Variants in NKAIN3 observed in about 807,000 individuals in gnomAD.
NKAIN3 encodes the protein sodium/potassium-transporting ATPase subunit beta-1-interacting protein 3.
NKAIN3 carries 25 observed loss-of-function variants against 30.2 expected under a neutral mutation model. That is an observed-to-expected ratio of 0.83 (90% CI 0.60 to 1.16). NKAIN3 has a LOEUF of 1.16. NKAIN3 is among the 50% of genes most tolerant of loss of function. NKAIN3 has a pLI of 0.00. For missense variants in NKAIN3, 225 were observed against 254.1 expected, an observed-to-expected ratio of 0.89 and a Z score of 0.78; for synonymous variants, 91 against 89.6, an observed-to-expected ratio of 1.02 and a Z score of -0.09.
intron 1 of NKAIN3, among the ~76,000 whole-genome samples, chr8:62,432,453 T>C (rs1208207177): frequency 2.0e-5 from 3 of 152,110 alleles, no homozygotes; most frequent in African/African-American, 7.2e-5. Context: ...ATGGTTTAGG[T>C]TTGTGACTCA....
intron 1 of NKAIN3, among the ~76,000 whole-genome samples, chr8:62,461,387 C>T (rs898961263): frequency 1.3e-5 from 2 of 152,134 alleles, no homozygotes; most frequent in African/African-American, 4.8e-5. Flanking sequence ...GCCACATTAC[C>T]ATGTTCAAAA....
At chr8:62,821,155 T>C (rs1424805545) in intron 4 of NKAIN3, among the ~76,000 whole-genome samples, 1 of 152,126 alleles carries the variant, frequency 6.6e-6, no homozygotes, top group African/African-American at 2.4e-5. Context: ...TTCCCTTCTT[T>C]ATTGATAGTA....
At chr8:62,756,066 T>G (rs1426524287) in intron 4 of NKAIN3, among the ~76,000 whole-genome samples, 1 of 152,232 alleles carries the variant, frequency 6.6e-6, no homozygotes. Context: ...GAAATGTGTA[T>G]ACATTTTTGT....
chr8:62,555,043 CACACACACACACATGCCT>C (rs1170216517), intron 1 of NKAIN3, among the ~76,000 whole-genome samples: 18 of 133,528 alleles, frequency 1.3e-4, no homozygotes, highest in Admixed American at 1.3e-3. Flanking sequence ...CACACACACA[CACACACACACACATGCCT>C]AGCTATGTGA....
At chr8:62,305,983 G>A (rs1814224741) in intron 1 of NKAIN3, among the ~76,000 whole-genome samples, 1 of 150,496 alleles carries the variant, frequency 6.6e-6, no homozygotes, top group African/African-American at 2.5e-5. Context: ...GCATGGGGAT[G>A]CCTCCTGACC....
chr8:62,900,723 T>TG (rs144187339), intron 4 of NKAIN3, among the ~76,000 whole-genome samples: 10,233 of 152,274 alleles, frequency 0.067, 483 homozygotes, highest in Middle Eastern at 0.099. Flanking sequence ...TGAAGTAGTA[T>TG]GATTATATCT....
chr8:62,419,930 C>T (rs1336866777), intron 1 of NKAIN3, among the ~76,000 whole-genome samples: 2 of 152,150 alleles, frequency 1.3e-5, no homozygotes, highest in Non-Finnish European at 1.5e-5. Flanking sequence ...TTAATCAAGC[C>T]ATTTCCCACC....
intron 1 of NKAIN3, among the ~76,000 whole-genome samples, chr8:62,527,206 C>A (rs1160239744): frequency 6.6e-6 from 1 of 152,152 alleles, no homozygotes; most frequent in African/African-American, 2.4e-5. Flanking sequence ...CAGTCTCAGC[C>A]AAACGACTCA....
chr8:62,749,176 A>T (rs545641835), intron 4 of NKAIN3, among the ~76,000 whole-genome samples: 14 of 152,322 alleles, frequency 9.2e-5, no homozygotes, highest in African/African-American at 2.4e-4. Context: ...ATTTTGTGGA[A>T]TGATAGCATG....
intron 1 of NKAIN3, among the ~76,000 whole-genome samples, chr8:62,270,664 T>C (rs1199627810): frequency 6.6e-6 from 1 of 152,202 alleles, no homozygotes; most frequent in African/African-American, 2.4e-5. Context: ...AAAAAAACCT[T>C]ATCCTGCCTT....
chr8:62,511,414 C>T (rs1306341490), intron 1 of NKAIN3, among the ~76,000 whole-genome samples: 1 of 152,136 alleles, frequency 6.6e-6, no homozygotes, highest in Non-Finnish European at 1.5e-5. Context: ...CAGATGCCAC[C>T]CAGATCCCTG....
chr8:62,808,398 A>G (rs1054040291), intron 4 of NKAIN3, among the ~76,000 whole-genome samples: 1 of 152,134 alleles, frequency 6.6e-6, no homozygotes, highest in African/African-American at 2.4e-5. Flanking sequence ...GTGCATCATC[A>G]TCTGGTGTCT....
At chr8:62,284,488 T>C (rs945101502) in intron 1 of NKAIN3, among the ~76,000 whole-genome samples, 4 of 151,942 alleles carry the variant, frequency 2.6e-5, no homozygotes, top group Admixed American at 1.3e-4. Context: ...TAGGCGGGCA[T>C]GGTGGCACAT....
At chr8:62,260,126 G>A (rs935799840) in intron 1 of NKAIN3, among the ~76,000 whole-genome samples, 1 of 152,006 alleles carries the variant, frequency 6.6e-6, no homozygotes, top group Non-Finnish European at 1.5e-5. Flanking sequence ...CTCAACAGGG[G>A]TGACGATAAG....
At chr8:62,713,531 A>G (rs193264391) in intron 3 of NKAIN3, among the ~76,000 whole-genome samples, 1 of 152,336 alleles carries the variant, frequency 6.6e-6, no homozygotes, top group East Asian at 1.9e-4. Context: ...GTTCTTATCT[A>G]TCCAACAAAC....
chr8:62,775,801 A>G (rs961726656), intron 4 of NKAIN3, among the ~76,000 whole-genome samples: 1 of 152,084 alleles, frequency 6.6e-6, no homozygotes, highest in Non-Finnish European at 1.5e-5. Flanking sequence ...AATATCTATT[A>G]GGCCCATTTG....
intron 3 of NKAIN3, among the ~76,000 whole-genome samples, chr8:62,744,311 A>G (rs553643950): frequency 6.6e-6 from 1 of 152,358 alleles, no homozygotes; most frequent in African/African-American, 2.4e-5. Flanking sequence ...ATTTTAATAT[A>G]GTCATTGTGA....
intron 4 of NKAIN3, among the ~76,000 whole-genome samples, chr8:62,820,051 A>G (rs908602068): frequency 6.6e-6 from 1 of 152,178 alleles, no homozygotes; most frequent in Non-Finnish European, 1.5e-5. Context: ...AGGTGGGGAC[A>G]GTGAGGATAT....
At position 62,946,605 on chromosome 8, in the gene NKAIN3, C is replaced by A. The variant is rs576964215; in HGVS notation, c.533-7297C>A. On this transcript the variant is annotated intron_variant, in intron 5 of 6. Transcript: ENST00000623646. ...GAACTAAGTTGATGTCAAGCCTCTT[C>A]CCCAGCTTTATCCTTATGAATTTAT... 1.6e-4 allele frequency among the ~76,000 whole-genome samples: 24 copies of A among 152,300 alleles called. No individual in the cohort carries two copies. The South Asian group carries it at 4.8e-3, about 30-fold the overall frequency.
Sources: gnomAD v4.1 joint callset for allele counts (sites outside exome capture counted in the v4.1 genomes callset) on GRCh38, gnomAD v4.1.1 for gene constraint, MANE v1.5 for transcripts, NCBI Gene and HGNC (gene_info 2026-07-23, HGNC 2026-07-21) for gene names.